The following PTPRN2 variants were observed in gnomAD, a reference collection of about 807,000 sequenced individuals.
PTPRN2 encodes the protein receptor-type tyrosine-protein phosphatase N2.
Under a neutral mutation model 118.8 loss-of-function variants are expected in PTPRN2, and 74 were observed. The ratio of observed to expected loss-of-function variants is 0.62; its 90% CI spans 0.52 to 0.76. PTPRN2 has a LOEUF of 0.76. Ranked by LOEUF, PTPRN2 falls within the 30% of genes least tolerant of loss-of-function variation. The pLI, the probability that PTPRN2 is intolerant of heterozygous loss-of-function variation, is 0.00. For missense variants in PTPRN2, 1,481 were observed against 1,394.4 expected, an observed-to-expected ratio of 1.06 and a Z score of -0.99; for synonymous variants, 641 against 608.0, an observed-to-expected ratio of 1.05 and a Z score of -0.80.
intron 3 of PTPRN2, among the ~76,000 whole-genome samples, chr7:158,206,684 A>G (rs146994103): frequency 2.6e-5 from 4 of 152,200 alleles, no homozygotes; most frequent in Non-Finnish European, 4.4e-5. Flanking sequence ...AAGGTGATAC[A>G]TCTGTGAGTC....
chr7:157,597,470 A>ATG (rs111696000), intron 16 of PTPRN2, among the ~76,000 whole-genome samples: 8,071 of 124,010 alleles, frequency 0.065, 281 homozygotes, highest in East Asian at 0.26. Context: ...TCCTTCTGAA[A>ATG]TGTGTGTGTG....
chr7:158,562,332 A>G lies in PTPRN2; in HGVS notation c.112+25226T>C, dbSNP rs543032527. Among the ~76,000 whole-genome samples the G allele has an allele frequency of 2.6e-5, 4 of 152,132 alleles. No individual in the cohort carries two copies. In the South Asian group the frequency reaches 8.3e-4, roughly 32 times the overall value. On this transcript the variant is annotated intron_variant, in intron 1 of 22. Coordinates refer to ENST00000389418, the MANE Select transcript of PTPRN2 (RefSeq NM_002847.5). ...AGCTCGAATCCCATCAGGAGCATCCACCTTTGAGACCTTGTCACCTCCCAA... is the reference window on the plus strand; with the variant it reads ...AGCTCGAATCCCATCAGGAGCATCCGCCTTTGAGACCTTGTCACCTCCCAA...
At chr7:158,290,261 C>G (rs1353986142) in intron 3 of PTPRN2, among the ~76,000 whole-genome samples, 1 of 152,116 alleles carries the variant, frequency 6.6e-6, no homozygotes, top group East Asian at 1.9e-4. Flanking sequence ...CACTGGGGAC[C>G]AGCCTGGATC....
chr7:157,939,460 G>C (rs1799915522), intron 11 of PTPRN2, among the ~76,000 whole-genome samples: 1 of 152,258 alleles, frequency 6.6e-6, no homozygotes, highest in Non-Finnish European at 1.5e-5. Flanking sequence ...ACAGCCATCT[G>C]CAGACCAGGT....
At chr7:158,004,019 T>G (rs1195767722) in intron 11 of PTPRN2, among the ~76,000 whole-genome samples, 1 of 152,136 alleles carries the variant, frequency 6.6e-6, no homozygotes, top group Admixed American at 6.5e-5. Context: ...TCCAGAAGAC[T>G]CCGGCTCTCG....
At chr7:158,075,810 C>G (rs367796642) in intron 11 of PTPRN2, among the ~76,000 whole-genome samples, 6 of 152,198 alleles carry the variant, frequency 3.9e-5, no homozygotes, top group East Asian at 1.9e-4. Context: ...AGGATGAGCA[C>G]GAGCCCCACG....
intron 10 of PTPRN2, among the ~76,000 whole-genome samples, chr7:158,097,608 C>T (rs1189570021): frequency 1.3e-5 from 2 of 152,184 alleles, no homozygotes; most frequent in Non-Finnish European, 2.9e-5. Flanking sequence ...CTTTGGCATC[C>T]TTTTTCCCAG....
intron 9 of PTPRN2, among the ~76,000 whole-genome samples, chr7:158,131,799 T>TAC (rs923114355): frequency 2.2e-5 from 3 of 133,722 alleles, no homozygotes; most frequent in East Asian, 2.4e-4. Context: ...TACACACTCA[T>TAC]ACACACACAC....
chr7:157,608,669 T>C (rs556970967), intron 15 of PTPRN2, among the ~76,000 whole-genome samples: 77 of 152,280 alleles, frequency 5.1e-4, no homozygotes, highest in African/African-American at 1.8e-3. Context: ...TCGTGTTCTA[T>C]GAAGTGAAGG....
At chr7:158,127,401 G>A (rs914076701) in intron 9 of PTPRN2, among the ~76,000 whole-genome samples, 1 of 152,034 alleles carries the variant, frequency 6.6e-6, no homozygotes, top group Admixed American at 6.6e-5. Flanking sequence ...CAGTCCAGGA[G>A]CCACACACTG....
intron 12 of PTPRN2, among the ~76,000 whole-genome samples, chr7:157,686,168 G>T (rs1385264157): frequency 6.6e-6 from 1 of 152,188 alleles, no homozygotes; most frequent in African/African-American, 2.4e-5. Flanking sequence ...TGGATCCCAG[G>T]GCCCGGCTGG....
At chr7:157,799,834 TCCATCCCTCAGAGGCACCACAGCC>T (rs1563121843) in intron 12 of PTPRN2, among the ~76,000 whole-genome samples, 109 of 79,124 alleles carry the variant, frequency 1.4e-3, no homozygotes, top group African/African-American at 5.8e-3. Flanking sequence ...GCCGGCCCCC[TCCATCCCTCAGAGGCACCACAGCC>T]GGCCCCCTCC....
At chr7:157,633,639 C>A (rs762156684) in intron 14 of PTPRN2, among the ~76,000 whole-genome samples, 1 of 152,106 alleles carries the variant, frequency 6.6e-6, no homozygotes, top group African/African-American at 2.4e-5. Flanking sequence ...AGCCATGGGC[C>A]GAGTCCCCGA....
At chr7:157,735,323 CTA>C (rs767295241) in intron 12 of PTPRN2, among the ~76,000 whole-genome samples, 4 of 152,238 alleles carry the variant, frequency 2.6e-5, no homozygotes, top group Non-Finnish European at 4.4e-5. Context: ...GTCCCACTGA[CTA>C]TGCCTGTGGA....
intron 12 of PTPRN2, among the ~76,000 whole-genome samples, chr7:157,760,225 C>T (rs1360846186): frequency 6.6e-6 from 1 of 152,126 alleles, no homozygotes; most frequent in Non-Finnish European, 1.5e-5. Context: ...CTGCGCCCTG[C>T]CCCAAATCTT....
At chr7:157,967,388 C>T (rs779523173) in intron 11 of PTPRN2, among the ~76,000 whole-genome samples, 16 of 152,138 alleles carry the variant, frequency 1.1e-4, no homozygotes, top group Non-Finnish European at 1.5e-4. Flanking sequence ...GTCAAGGTGT[C>T]GGCTGAGCTG....
At chr7:157,775,601 C>T (rs1803156494) in intron 12 of PTPRN2, among the ~76,000 whole-genome samples, 1 of 152,222 alleles carries the variant, frequency 6.6e-6, no homozygotes, top group South Asian at 2.1e-4. Flanking sequence ...AGCCGGCGCT[C>T]ACATGCAGGG....
At chr7:158,434,774 T>A (rs1816462783) in intron 2 of PTPRN2, among the ~76,000 whole-genome samples, 1 of 152,316 alleles carries the variant, frequency 6.6e-6, no homozygotes, top group South Asian at 2.1e-4. Context: ...TTATTTTGAT[T>A]CCCTTTCTTA....
At chr7:158,496,192 G>A (rs1209872617) in intron 1 of PTPRN2, among the ~76,000 whole-genome samples, 3 of 91,378 alleles carry the variant, frequency 3.3e-5, no homozygotes, top group South Asian at 5.3e-4. Flanking sequence ...AACCCCTGCA[G>A]TGTCCCCCTT....
Sources: allele counts gnomAD v4.1 joint callset (sites outside exome capture counted in the v4.1 genomes callset), GRCh38; gene constraint gnomAD v4.1.1; transcripts MANE v1.5; gene names NCBI Gene and HGNC (gene_info 2026-07-23, HGNC 2026-07-21).